Variants in QTMAN observed in about 807,000 individuals in gnomAD.
The protein encoded by QTMAN is queuosine-tRNA mannosyltransferase, also known as tRNA-queuosine alpha-mannosyltransferase.
the QTMAN span, among the ~76,000 whole-genome samples, chr2:144,175,023 T>C: frequency 0.045 from 6,912 of 152,172 alleles, 526 homozygotes; most frequent in African/African-American, 0.16. Context: ...GACCAGGAAG[T>C]AAAATAAATT....
chr2:144,003,260 G>T, the QTMAN span, among the ~76,000 whole-genome samples: 4 of 151,854 alleles, frequency 2.6e-5, no homozygotes, highest in South Asian at 2.1e-4. Context: ...CTGTGGCCTT[G>T]AGAGAGTGAT....
chr2:144,190,894 A>G, the QTMAN span, among the ~76,000 whole-genome samples: 1 of 152,242 alleles, frequency 6.6e-6, no homozygotes, highest in Non-Finnish European at 1.5e-5. Context: ...ATCATTGGCA[A>G]GTCAACAGCT....
the QTMAN span, among the ~76,000 whole-genome samples, chr2:144,209,410 A>T: frequency 1 from 151,733 of 152,376 alleles, 75,551 homozygotes; most frequent in East Asian, 1. Flanking sequence ...AACTTTAGGA[A>T]GCAATTTCTT....
the QTMAN span, chr2:144,007,240 T>C: frequency 1.2e-6 from 2 of 1,612,376 alleles, no homozygotes; most frequent in Non-Finnish European, 1.7e-6. Context: ...CCACCCAAAA[T>C]GTCACAGGGA....
chr2:144,101,486 C>T, the QTMAN span, among the ~76,000 whole-genome samples: 2 of 152,066 alleles, frequency 1.3e-5, no homozygotes, highest in Non-Finnish European at 2.9e-5. Flanking sequence ...TTACCCCACG[C>T]TTCTCATGTT....
At chr2:143,956,091 A>G in the QTMAN span, among the ~76,000 whole-genome samples, 1 of 152,122 alleles carries the variant, frequency 6.6e-6, no homozygotes, top group African/African-American at 2.4e-5. Context: ...ACAATACCCA[A>G]TTTATCTGCA....
At chr2:144,073,852 T>G in the QTMAN span, among the ~76,000 whole-genome samples, 2 of 152,222 alleles carry the variant, frequency 1.3e-5, no homozygotes, top group African/African-American at 4.8e-5. Context: ...AACGTACATT[T>G]ATTAAACTCA....
At chr2:144,005,061 G>C in the QTMAN span, among the ~76,000 whole-genome samples, 4 of 151,988 alleles carry the variant, frequency 2.6e-5, no homozygotes, top group Non-Finnish European at 4.4e-5. Context: ...ATAGCTATCA[G>C]ACGCGGGCCA....
At chr2:144,284,787 C>T in the QTMAN span, among the ~76,000 whole-genome samples, 1 of 152,224 alleles carries the variant, frequency 6.6e-6, no homozygotes, top group East Asian at 1.9e-4. Flanking sequence ...AATGCCAACA[C>T]TTTAGGACGC....
chr2:144,146,851 G>A, the QTMAN span, among the ~76,000 whole-genome samples: 1 of 151,816 alleles, frequency 6.6e-6, no homozygotes, highest in Non-Finnish European at 1.5e-5. Flanking sequence ...AAGGTTAAGA[G>A]TTTTTCTAGG....
the QTMAN span, among the ~76,000 whole-genome samples, chr2:144,273,620 C>A: frequency 2.0e-5 from 3 of 152,082 alleles, no homozygotes; most frequent in South Asian, 2.1e-4. Flanking sequence ...AATTCATGAT[C>A]AAGAACACAC....
At chr2:144,086,426 A>G in the QTMAN span, among the ~76,000 whole-genome samples, 3 of 152,134 alleles carry the variant, frequency 2.0e-5, no homozygotes, top group Non-Finnish European at 2.9e-5. Flanking sequence ...CAAGTGTGAG[A>G]CACCATTCCC....
chr2:144,008,201 C>G, the QTMAN span, among the ~76,000 whole-genome samples: 3 of 152,068 alleles, frequency 2.0e-5, no homozygotes, highest in Non-Finnish European at 1.5e-5. Flanking sequence ...GAGGGGCTAT[C>G]CTCAAGGAGC....
At chr2:144,019,299 C>T in the QTMAN span, among the ~76,000 whole-genome samples, 468 of 152,162 alleles carry the variant, frequency 3.1e-3, 2 homozygotes, top group African/African-American at 0.011. Context: ...AAGGCATAGG[C>T]ATACAAGGAT....
chr2:144,083,924 T>C, the QTMAN span, among the ~76,000 whole-genome samples: 3 of 152,250 alleles, frequency 2.0e-5, no homozygotes, highest in Admixed American at 1.3e-4. Context: ...CAATTTCACA[T>C]AGAAATATAA....
the QTMAN span, among the ~76,000 whole-genome samples, chr2:144,095,132 C>T: frequency 2.0e-5 from 3 of 152,208 alleles, no homozygotes; most frequent in African/African-American, 7.2e-5. Flanking sequence ...CCTTCCCTAT[C>T]TAGCTTTCCC....
At chr2:144,135,541 CT>C in the QTMAN span, among the ~76,000 whole-genome samples, 1 of 152,126 alleles carries the variant, frequency 6.6e-6, no homozygotes, top group Non-Finnish European at 1.5e-5. Context: ...CTTAAAATTT[CT>C]CATTCCTGTT....
the QTMAN span, among the ~76,000 whole-genome samples, chr2:144,269,132 TGTTA>T: frequency 6.6e-6 from 1 of 152,212 alleles, no homozygotes; most frequent in Non-Finnish European, 1.5e-5. Context: ...CTACGTAAGA[TGTTA>T]CAAATGTCTT....
the QTMAN span, among the ~76,000 whole-genome samples, chr2:144,001,915 A>G: frequency 6.6e-6 from 1 of 151,964 alleles, no homozygotes; most frequent in Non-Finnish European, 1.5e-5. Context: ...ATATTTACCT[A>G]CGTCACATCG....
Sources: allele counts gnomAD v4.1 joint callset (sites outside exome capture counted in the v4.1 genomes callset), GRCh38; gene constraint gnomAD v4.1.1; transcripts MANE v1.5; gene names NCBI Gene and HGNC (gene_info 2026-07-23, HGNC 2026-07-21).